ITSN2: variants seen among roughly 807,000 people sequenced by gnomAD.
ITSN2 encodes intersectin-2.
Under a neutral mutation model 243.7 loss-of-function variants are expected in ITSN2, and 156 were observed. The ratio of observed to expected loss-of-function variants is 0.64; its 90% CI spans 0.56 to 0.73. The LOEUF (loss-of-function observed/expected upper bound fraction) is 0.73. ITSN2 is among the 30% of genes least tolerant of loss of function. The pLI, the probability that ITSN2 is intolerant of heterozygous loss-of-function variation, is 0.00. For synonymous variants in ITSN2, 703 were observed against 699.9 expected, an observed-to-expected ratio of 1.00 and a Z score of -0.07; for missense variants, 1,801 against 1,996.1, an observed-to-expected ratio of 0.90 and a Z score of 1.86.
At chr2:24,280,413 T>C (rs544433435) in intron 17 of ITSN2, among the ~76,000 whole-genome samples, 1 of 152,268 alleles carries the variant, frequency 6.6e-6, no homozygotes, top group Admixed American at 6.5e-5. Context: ...TATCCCTTAA[T>C]CTGACCCAAT....
intron 1 of ITSN2, among the ~76,000 whole-genome samples, chr2:24,338,611 A>G (rs1686714088): frequency 6.6e-6 from 1 of 152,258 alleles, no homozygotes; most frequent in South Asian, 2.1e-4. Flanking sequence ...GATGAAATTT[A>G]CAGAATACAT....
rs1446693061 is a variant in ITSN2, at chr2:24,210,464, T to G, written c.4257+316A>C. The stretch of plus-strand genomic sequence containing the variant: ...CCAGCTCTACTAAAAATACGAAAAT[T>G]AGCTGGGCATCGTAGCAGATGCCTG... On this transcript the variant is annotated intron_variant, in intron 34 of 39. Transcript: ENST00000355123. 4 of 293,940 alleles carry G rather than the reference T, an allele frequency of 1.4e-5. No homozygotes were observed. In the East Asian group the frequency reaches 2.8e-4, roughly 21 times the overall value. The allele number at this position is 293,940 out of a possible 1,614,324, so 18.2% of individuals were successfully genotyped here. A position where few individuals can be genotyped will look rare whatever the true frequency, so the allele number is the denominator to read the frequency against.
At position 24,275,714 on chromosome 2, in the gene ITSN2, T is replaced by C. The variant is rs748087015; in HGVS notation, c.2080A>G (p.Arg694Gly). Residue 694 changes from arginine (R) to glycine (G), a missense_variant and splice_region_variant, in exon 18 of 40, where the codon AGG (arginine) becomes GGG (glycine). Physicochemically the swap from Arg to Gly is moderately radical, Grantham distance 125 (BLOSUM62 -2). Around this residue, in one of 5 missense-constraint regions of ITSN2, gnomAD observed 787 missense variants for 803.9 expected, o/e 0.98. Transcript: ENST00000355123. Reference sequence around the variant, plus strand: ...CAATAAATATATCAGCTATATTACCTTGCAGCCTCATCTTCTAGTTTCTTT... The same window carrying C: ...CAATAAATATATCAGCTATATTACCCTGCAGCCTCATCTTCTAGTTTCTTT... ...QKKKLEDEAA[R>G]KAKQGKENLW... 1.2e-5 allele frequency: 19 copies of C among 1,607,598 alleles called. No individual in the cohort carries two copies. The highest frequency in any genetic ancestry group is 3.4e-5 in the Admixed American group (2 of 59,694).
intron 30 of ITSN2, chr2:24,220,507 C>T (rs747694842): frequency 2.1e-4 from 206 of 1,001,842 alleles, no homozygotes; most frequent in Non-Finnish European, 2.3e-4. Context: ...ATGAGGTGAA[C>T]ACTTTCACTG....
chr2:24,290,839 T>TA (rs1220689514), intron 15 of ITSN2, among the ~76,000 whole-genome samples: 1 of 152,248 alleles, frequency 6.6e-6, no homozygotes, highest in African/African-American at 2.4e-5. Flanking sequence ...TTCTGATCAA[T>TA]AACACACTAT....
intron 14 of ITSN2, among the ~76,000 whole-genome samples, chr2:24,294,610 T>C (rs1392890533): frequency 2.0e-5 from 3 of 152,102 alleles, no homozygotes; most frequent in East Asian, 3.8e-4. Flanking sequence ...ATAGTAATTA[T>C]TGAACCAGAC....
intron 20 of ITSN2, among the ~76,000 whole-genome samples, chr2:24,265,636 T>C (rs1214904587): frequency 6.6e-6 from 1 of 152,238 alleles, no homozygotes; most frequent in African/African-American, 2.4e-5. Flanking sequence ...AGATGTTGTC[T>C]CTCTAGTTTA....
At chr2:24,350,981 T>C (rs1248775348) in intron 1 of ITSN2, among the ~76,000 whole-genome samples, 2 of 152,194 alleles carry the variant, frequency 1.3e-5, no homozygotes, top group Non-Finnish European at 2.9e-5. Context: ...CTGTAAACTT[T>C]AAAAGGGTGA....
Position 24,246,186 on chromosome 2 carries a change from C to A in ITSN2, c.3520G>T (p.Gly1174Cys). 6.2e-7 allele frequency: 1 copy of A among 1,613,474 alleles called. No homozygotes were observed. Among genetic ancestry groups the A allele is most frequent in the Admixed American group, 1.7e-5 (1 of 59,982 alleles). The change falls in exon 29 of 40, where the codon GGT becomes TGT. Residue 1174 changes from glycine (G) to cysteine (C), a missense_variant. Coordinates refer to ENST00000355123, the MANE Select transcript of ITSN2 (RefSeq NM_006277.3). ...WWQGEINGVT[G>C]LFPSNYVKMT... ...TTAACGTAGTTTGAAGGAAAGAGAC[C>A]AGTCACCCCGTTGATCTCTCCTTGC...
chr2:24,207,974 G>C (rs893096111), intron 37 of ITSN2, among the ~76,000 whole-genome samples: 1 of 151,962 alleles, frequency 6.6e-6, no homozygotes, highest in African/African-American at 2.4e-5. Context: ...AAGGAGTGGA[G>C]AAGGTGCAGT....
At chr2:24,352,280 T>C (rs1011604507) in intron 1 of ITSN2, among the ~76,000 whole-genome samples, 2 of 152,186 alleles carry the variant, frequency 1.3e-5, no homozygotes, top group African/African-American at 4.8e-5. Context: ...ACATAGAAGG[T>C]GTCCATAAAT....
chr2:24,214,659 T>A (rs1669800541), intron 32 of ITSN2, among the ~76,000 whole-genome samples: 1 of 152,156 alleles, frequency 6.6e-6, no homozygotes, highest in Non-Finnish European at 1.5e-5. Flanking sequence ...TCTATTAGAT[T>A]CATCAGTTAC....
At chr2:24,315,101 T>G (rs1354898223) in intron 3 of ITSN2, 31 bp downstream of exon 3, 1 of 1,207,728 alleles carries the variant, frequency 8.3e-7, no homozygotes, top group East Asian at 2.4e-5. Flanking sequence ...AGGACCATAA[T>G]TCACTAATAA....
rs149413469 is a variant in ITSN2 at position 24,319,573 on chromosome 2, C to T, written c.32-4349G>A. On this transcript the variant is annotated intron_variant, in intron 2 of 39. Transcript: ENST00000355123. ...AATCTCAGTAATGGATGAATTCCAC[C>T]CAGCTGGTGGCGAGGACAAACAAAA... Among the ~76,000 whole-genome samples the T allele has an allele frequency of 1.5e-3, 223 of 152,246 alleles. 1 individual carries two copies. Among genetic ancestry groups the T allele is most frequent in the Non-Finnish European group, 2.7e-3 (184 of 68,000 alleles).
chr2:24,209,590 G>T (rs1669270031), intron 35 of ITSN2, among the ~76,000 whole-genome samples: 1 of 152,224 alleles, frequency 6.6e-6, no homozygotes, highest in Admixed American at 6.5e-5. Context: ...ACGCTGGCCA[G>T]GAGGAAGCCA....
At chr2:24,338,429 A>T (rs1051160861) in intron 1 of ITSN2, among the ~76,000 whole-genome samples, 4 of 152,058 alleles carry the variant, frequency 2.6e-5, no homozygotes, top group Admixed American at 2.6e-4. Flanking sequence ...CTGCACCCTG[A>T]CCACCTTGGG....
At chr2:24,222,053 C>G (rs769719927) in intron 29 of ITSN2, among the ~76,000 whole-genome samples, 1 of 152,062 alleles carries the variant, frequency 6.6e-6, no homozygotes, top group African/African-American at 2.4e-5. Flanking sequence ...GAGATCGAGA[C>G]CATCCTGGCT....
intron 29 of ITSN2, chr2:24,241,794 T>A (rs1208456729): frequency 2.0e-5 from 3 of 152,608 alleles, no homozygotes; most frequent in African/African-American, 7.2e-5. Context: ...TGAATACACA[T>A]GTTGCAATAA....
At position 24,271,766 on chromosome 2, in the gene ITSN2, G is replaced by C. The variant is rs763290734; in HGVS notation, c.2257C>G (p.Arg753Gly). The change falls in exon 19 of 40, where the codon CGT becomes GGT. Residue 753 changes from arginine (R) to glycine (G), a missense_variant and splice_region_variant. Transcript: ENST00000355123. ...TGTCTCAAAGTATCCTTATCCTTAC[G>C]TTTTTTCTCCTCAGCTTTCAAAGTA... ...KDTLKAEEKK[R>G]ETASVLVNYR... 17 of 1,575,062 alleles carry C rather than the reference G, an allele frequency of 1.1e-5. No homozygotes were observed. Among genetic ancestry groups the C allele is most frequent in the Non-Finnish European group, 1.5e-5 (17 of 1,166,520 alleles).
Sources: allele counts gnomAD v4.1 joint callset (sites outside exome capture counted in the v4.1 genomes callset), GRCh38; gene constraint gnomAD v4.1.1; regional missense constraint gnomAD v4.1.1; transcripts MANE v1.5; gene names NCBI Gene and HGNC (gene_info 2026-07-23, HGNC 2026-07-21).